Variants in SLC29A2 observed in about 807,000 individuals in gnomAD.
SLC29A2 encodes the protein solute carrier family 29 member 2, also known as equilibrative nucleoside transporter 2.
In SLC29A2, 37 loss-of-function variants were observed where a neutral mutation model predicts 48.8. The observed-to-expected ratio is 0.76, with a 90% CI of 0.58 to 1.00. The LOEUF (loss-of-function observed/expected upper bound fraction) is 1.00, where lower values mean the gene tolerates loss of function less well. Among genes scored for constraint, SLC29A2 ranks in the 50% least tolerant of loss-of-function variants. The pLI is 0.00. For missense variants in SLC29A2, 533 were observed against 578.6 expected (o/e 0.92, Z 0.81); for synonymous variants, 233 against 261.7 (o/e 0.89, Z 1.06).
In SLC29A2 at chr11:66,369,545, G is replaced by A; in HGVS notation, c.112-13C>T. On this transcript the variant is annotated splice_polypyrimidine_tract_variant and intron_variant, in intron 2 of 11. Transcript: ENST00000357440. ...GCGCCTGGAAGTACTGCCAGGTGGG[G>A]AGGTGGTGGAGGGTCAGCACCTCTC... 6.2e-7 allele frequency: 1 copy of A among 1,613,592 alleles called. No individual in the cohort carries two copies. Among genetic ancestry groups the A allele is most frequent in the Non-Finnish European group, 8.5e-7 (1 of 1,179,838 alleles).
chr11:66,371,945 G>C (rs979120502), upstream of SLC29A2: 20 of 366,846 alleles, frequency 5.5e-5, no homozygotes, highest in Non-Finnish European at 9.4e-5. Flanking sequence ...TCCTCTCCGC[G>C]GGGGCGGGTC....
intron 4 of SLC29A2, among the ~76,000 whole-genome samples, 192 bp downstream of exon 4, chr11:66,368,868 G>A (rs1390673103): frequency 2.0e-5 from 3 of 152,224 alleles, no homozygotes; most frequent in Non-Finnish European, 4.4e-5. Flanking sequence ...CTGTGGGGCT[G>A]TTGACCAGGA....
chr11:66,364,212 C>CCAA lies in SLC29A2; in HGVS notation c.1259+12_1259+13insTTG. ...CTACTCCCAGCCCCCCACCCCACCCCATTGCCCCGGACCTGGGCGCCAGGC... is the reference window on the plus strand; with the variant it reads ...CTACTCCCAGCCCCCCACCCCACCCCCAAATTGCCCCGGACCTGGGCGCCAGGC... On this transcript the variant is annotated intron_variant, in intron 11 of 11. Transcript: ENST00000357440. The CCAA allele has an allele frequency of 6.3e-7, 1 of 1,580,300 alleles. No homozygotes were observed. Among genetic ancestry groups the CCAA allele is most frequent in the Non-Finnish European group, 8.6e-7 (1 of 1,159,388 alleles).
At chr11:66,363,667 C>T in intron 11 of SLC29A2, 120 bp from the exon 12 acceptor site, 9 of 762,170 alleles carry the variant, frequency 1.2e-5, no homozygotes, top group South Asian at 3.0e-5. Context: ...CCATAACTGG[C>T]CCCTTCTTTC....
chr11:66,364,199 C>A, intron 11 of SLC29A2, 26 bp downstream of exon 11: 1 of 1,537,266 alleles, frequency 6.5e-7, no homozygotes, highest in South Asian at 1.2e-5. Context: ...ACTCCCAGCC[C>A]CCCACCCCAC....
rs545037521 is a variant in SLC29A2 at position 66,370,453 on chromosome 11, C to T, written c.111+791G>A. On this transcript the variant is annotated intron_variant, in intron 2 of 11. Coordinates refer to ENST00000357440, the MANE Select transcript of SLC29A2 (RefSeq NM_001532.3). ...TGTTGCAGTGAATACAGATGAATAA[C>T]CCGGTCCCAAAGACAATGCAAACCC... Among the ~76,000 whole-genome samples, 3 of 152,332 alleles carry T rather than the reference C, an allele frequency of 2.0e-5. No homozygotes were observed. In the South Asian group the frequency reaches 6.2e-4, roughly 32 times the overall value.
intron 2 of SLC29A2, among the ~76,000 whole-genome samples, chr11:66,370,417 AT>A (rs969840926): frequency 6.6e-6 from 1 of 152,198 alleles, no homozygotes; most frequent in Non-Finnish European, 1.5e-5. Context: ...CCCAAGAAGC[AT>A]TTGCAAAGTT....
rs1261338417 is a variant in SLC29A2, at chr11:66,363,450, TGAAGAG to T, written c.1351_1356del (p.Leu451_Phe452del). The T allele has an allele frequency of 1.2e-6, 2 of 1,613,522 alleles. No homozygotes were observed. The highest frequency in any genetic ancestry group is 1.3e-5 in the African/African-American group (1 of 74,894). ...GAGGGGCCACTTCAGAGCAGCGCCT[TGAAGAG>T]GAAGGAGAGGGAGGCTCCACAGGAA... On this transcript the variant is annotated inframe_deletion, in exon 12 of 12. Coordinates refer to ENST00000357440, the MANE Select transcript of SLC29A2 (RefSeq NM_001532.3).
At position 66,366,201 on chromosome 11, in the gene SLC29A2, C is replaced by T. The variant is rs367971747; in HGVS notation, c.898G>A (p.Val300Ile). Residue 300 changes from valine to isoleucine, a missense_variant, in exon 9 of 12, where the codon GTC becomes ATC. Val to Ile is a conservative substitution (Grantham distance 29). Transcript: ENST00000357440. Reference sequence around the variant, plus strand: ...AAGACGGACAGGGTGACTGTGAAGACCAACACAAGGCACAGCGCTGTCAGC... The same window carrying T: ...AAGACGGACAGGGTGACTGTGAAGATCAACACAAGGCACAGCGCTGTCAGC... ...IWLTALCLVL[V>I]FTVTLSVFPA... is the part of the protein sequence containing the mutation. The T allele has an allele frequency of 3.1e-6, 5 of 1,614,176 alleles. No individual in the cohort carries two copies. The African/African-American group carries it at 5.3e-5, about 17-fold the overall frequency.
In SLC29A2 at chr11:66,366,526, G is replaced by A; in HGVS notation, c.772C>T (p.Leu258=). 11 of 1,614,062 alleles carry A rather than the reference G, an allele frequency of 6.8e-6. No homozygotes were observed. The highest frequency in any genetic ancestry group is 8.5e-6 in the Non-Finnish European group (10 of 1,180,034). ...GIPSSPQKVA[L]TLDLDLEKEP... ...TTCTCCAGGTCAAGATCCAGGGTCA[G>A]AGCTACTTTCTGGGGACTACTGGGA... The change falls in exon 8 of 12, where the codon CTG becomes TTG. Residue 258 remains leucine (L), a synonymous_variant. Transcript: ENST00000357440.
intron 7 of SLC29A2, 96 bp downstream of exon 7, chr11:66,367,368 G>T: frequency 1.0e-6 from 1 of 999,532 alleles, no homozygotes; most frequent in Non-Finnish European, 1.6e-6. Context: ...TACTAGGGGT[G>T]GGCTCTGGCT....
chr11:66,371,933 C>A (rs1176380917), upstream of SLC29A2: 6 of 393,360 alleles, frequency 1.5e-5, no homozygotes, highest in East Asian at 5.0e-5. Context: ...CGCAGCCCCC[C>A]GTCCTCTCCG....
At chr11:66,370,858 C>CAAAA (rs35962792) in intron 2 of SLC29A2, among the ~76,000 whole-genome samples, 112 of 92,228 alleles carry the variant, frequency 1.2e-3, no homozygotes, top group Non-Finnish European at 2.0e-3. Flanking sequence ...GACTCTGTCT[C>CAAAA]AAAAAAAAAA....
rs1328743183 is a variant in SLC29A2 at position 66,369,133 on chromosome 11, TGCTGTCAGG to T, written c.333_341del (p.Leu112_Ala114del). 1 of 1,587,524 alleles carries T rather than the reference TGCTGTCAGG, an allele frequency of 6.3e-7. No homozygotes were observed. The highest frequency in any genetic ancestry group is 1.3e-5 in the African/African-American group (1 of 74,268). ...GGCTCATGTCCACCTTGACCAGCGC[TGCTGTCAGG>T]GCAAAGAGCAGCAGTATGGCCAGCA... On this transcript the variant is annotated inframe_deletion, in exon 4 of 12. Transcript: ENST00000357440.
rs775762265 is a variant in SLC29A2 at position 66,366,479 on chromosome 11, A to C, written c.819T>G (p.Asp273Glu). The change falls in exon 8 of 12, where the codon GAT becomes GAG. Residue 273 changes from aspartate (D) to glutamate (E), a missense_variant. By Grantham distance (45) the Asp-to-Glu change is conservative. Coordinates refer to ENST00000357440, the MANE Select transcript of SLC29A2 (RefSeq NM_001532.3). ...AAGGTTTTCCTGGCTTCTGGGGCTCATCTGGCTCTGATTCCGGCTCCTTCT... is the reference window on the plus strand; with the variant it reads ...AAGGTTTTCCTGGCTTCTGGGGCTCCTCTGGCTCTGATTCCGGCTCCTTCT... ...DLEKEPESEP[D>E]EPQKPGKPSV... 3.1e-6 allele frequency: 5 copies of C among 1,614,144 alleles called. No individual in the cohort carries two copies. The highest frequency in any genetic ancestry group is 4.2e-6 in the Non-Finnish European group (5 of 1,180,044).
At chr11:66,367,987 C>T (rs894785687) in intron 5 of SLC29A2, 118 bp from the exon 6 acceptor site, 32 of 773,036 alleles carry the variant, frequency 4.1e-5, no homozygotes, top group African/African-American at 8.6e-5. Flanking sequence ...CAGCCTCTTC[C>T]GCTCCTCCCT....
rs540571414 is a variant in SLC29A2, at chr11:66,363,301, G to A, written c.*135C>T. On this transcript the variant is annotated 3_prime_UTR_variant, in exon 12 of 12. Transcript: ENST00000357440. ...AGTGGATGAAGAGCAGCTCCTGCCCGCTGCTGGCAGCCTCAGGCCCAGGGG... is the reference window on the plus strand; with the variant it reads ...AGTGGATGAAGAGCAGCTCCTGCCCACTGCTGGCAGCCTCAGGCCCAGGGG... 1,332 of 725,342 alleles carry A rather than the reference G, an allele frequency of 1.8e-3. 12 individuals are homozygous for A. The African/African-American group carries it at 0.019, about 10-fold the overall frequency. 44.9% of individuals were successfully genotyped at this position (725,342 alleles called of 1,614,324 possible).
rs1419586775 is a variant in SLC29A2 at position 66,364,311 on chromosome 11, T to C, written c.1173A>G (p.Pro391=). ...PQRSRLPILF[P]QDAYFITFML... is the part of the protein sequence containing the mutation. ...TGAAGGTGATGAAGTAGGCATCCTG[T>C]GGGAAGAGGATGGGCAGCCGGGACC... The change falls in exon 11 of 12, where the codon CCA becomes CCG. Residue 391 remains proline, a synonymous_variant. Coordinates refer to ENST00000357440, the MANE Select transcript of SLC29A2 (RefSeq NM_001532.3). 1.2e-6 allele frequency: 2 copies of C among 1,613,192 alleles called. No individual in the cohort carries two copies. Among genetic ancestry groups the C allele is most frequent in the Non-Finnish European group, 1.7e-6 (2 of 1,179,766 alleles).
chr11:66,367,619 T>G, intron 6 of SLC29A2, 71 bp from the exon 7 acceptor site: 1 of 1,562,040 alleles, frequency 6.4e-7, no homozygotes, highest in Non-Finnish European at 8.8e-7. Flanking sequence ...CCCATACCAT[T>G]GGCCTGGAGG....
Sources: gnomAD v4.1 joint callset for allele counts (sites outside exome capture counted in the v4.1 genomes callset) on GRCh38, gnomAD v4.1.1 for gene constraint, MANE v1.5 for transcripts, NCBI Gene and HGNC (gene_info 2026-07-23, HGNC 2026-07-21) for gene names.